The following MACF1 variants were observed in gnomAD, a reference collection of about 807,000 sequenced individuals.
The protein encoded by MACF1 is microtubule-actin cross-linking factor 1.
A neutral mutation model predicts 854.8 loss-of-function variants in MACF1; 193 were observed. The observed-to-expected ratio is 0.23, with a 90% confidence interval of 0.20 to 0.25. The LOEUF (loss-of-function observed/expected upper bound fraction) is 0.25, where lower values mean the gene tolerates loss of function less well. Among genes scored for constraint, MACF1 ranks in the 10% least tolerant of loss-of-function variants. The pLI is 1.00. For missense variants in MACF1, 7,722 were observed against 8,929.1 expected (o/e 0.86, Z 5.45); for synonymous variants, 3,185 against 3,226.7 (o/e 0.99, Z 0.44).
chr1:39,459,730 C>T, intron 91 of MACF1: 1 of 813,186 alleles, frequency 1.2e-6, no homozygotes, highest in Non-Finnish European at 1.8e-6. Flanking sequence ...GTGTCATTAC[C>T]CAGTATAAAA....
intron 50 of MACF1, 29 bp downstream of exon 50, chr1:39,368,343 T>C (rs1648914376): frequency 1.3e-6 from 2 of 1,590,672 alleles, no homozygotes; most frequent in East Asian, 2.2e-5. Flanking sequence ...TGGTCAGCAT[T>C]GGGGAACTAT....
rs147223845 is a variant in MACF1 at position 39,357,360 on chromosome 1, A to AT, written c.11425-6dup. On this transcript the variant is annotated splice_polypyrimidine_tract_variant and intron_variant, in intron 44 of 100. Coordinates refer to ENST00000564288, the MANE Select transcript of MACF1 (RefSeq NM_001394062.1). ...TACTGATTGTCCTTTGTTTGGGGGG[A>AT]TTTTTTTTTACCAGGCCCGTCACCA... is the stretch of plus-strand genomic sequence containing the variant. 0.19 allele frequency: 305,445 copies of AT among 1,589,100 alleles called. 26,845 individuals are homozygous for AT. The highest frequency in any genetic ancestry group is 0.21 in the Non-Finnish European group (243,576 of 1,164,678).
intron 22 of MACF1, among the ~76,000 whole-genome samples, chr1:39,302,409 ACTGTGCTT>A (rs1646068080): frequency 6.6e-6 from 1 of 152,218 alleles, no homozygotes; most frequent in African/African-American, 2.4e-5. Flanking sequence ...TAAAAATGGG[ACTGTGCTT>A]TTGTGTGTCT....
chr1:39,185,720 G>A (rs1644159634), intron 2 of MACF1, among the ~76,000 whole-genome samples: 1 of 152,144 alleles, frequency 6.6e-6, no homozygotes, highest in South Asian at 2.1e-4. Flanking sequence ...CTTTGGAGTA[G>A]GATAAGAAGG....
chr1:39,429,841 C>T lies in MACF1; in HGVS notation c.16903C>T (p.Leu5635Phe). The T allele has an allele frequency of 6.2e-7, 1 of 1,613,984 alleles. No homozygotes were observed. Among genetic ancestry groups the T allele is most frequent in the South Asian group, 1.1e-5 (1 of 91,078 alleles). The change falls in exon 65 of 101, where the codon CTT becomes TTT. Residue 5635 changes from leucine to phenylalanine, a missense_variant. Around this residue, in one of 15 missense-constraint regions of MACF1, gnomAD observed 2,807 missense variants for 3,235.8 expected, o/e 0.87. Coordinates refer to ENST00000564288, the MANE Select transcript of MACF1 (RefSeq NM_001394062.1). ...LKQTTGEEVL[L>F]IQEKLDGIKT... ...ATCTTCCATAGGTGAGGAGGTGTTA[C>T]TTATCCAGGAAAAACTAGATGGTAT... is the stretch of plus-strand genomic sequence containing the variant.
chr1:39,246,139 AT>A (rs1644978922), intron 2 of MACF1, among the ~76,000 whole-genome samples: 1 of 151,462 alleles, frequency 6.6e-6, no homozygotes, highest in Non-Finnish European at 1.5e-5. Context: ...TCCTTTGTTG[AT>A]TGCTTTTCCA....
chr1:39,474,225 G>GA (rs1222982028), intron 97 of MACF1, among the ~76,000 whole-genome samples: 2 of 151,508 alleles, frequency 1.3e-5, no homozygotes, highest in African/African-American at 4.9e-5. Flanking sequence ...TGTTTCTACT[G>GA]AAAATATAAA....
At chr1:39,211,134 AT>A (rs1571178267) in intron 1 of MACF1, among the ~76,000 whole-genome samples, 1 of 151,716 alleles carries the variant, frequency 6.6e-6, no homozygotes, top group East Asian at 1.9e-4. Flanking sequence ...ACCCAGTTTA[AT>A]TTTTGTATTT....
intron 2 of MACF1, among the ~76,000 whole-genome samples, chr1:39,085,950 G>A (rs941150330): frequency 2.0e-5 from 3 of 152,074 alleles, no homozygotes; most frequent in Non-Finnish European, 2.9e-5. Flanking sequence ...TTTAAGTGCC[G>A]CCTCCTCTGT....
At chr1:39,189,384 A>T (rs746026478) in intron 2 of MACF1, among the ~76,000 whole-genome samples, 4 of 152,124 alleles carry the variant, frequency 2.6e-5, no homozygotes, top group Non-Finnish European at 5.9e-5. Context: ...TGCCATTTTA[A>T]TTCTCTTACT....
Position 39,485,598 on chromosome 1 carries a change from C to T in MACF1, c.22472C>T (p.Ala7491Val). 6.2e-7 allele frequency: 1 copy of T among 1,614,116 alleles called. No individual in the cohort carries two copies. The highest frequency in any genetic ancestry group is 8.5e-7 in the Non-Finnish European group (1 of 1,179,994). ...SRAGSRAGSR[A>V]SSRRGSDASD... ...GCTGGGAGTCGAGCCGGGAGTCGAGCCAGCAGCCGGCGAGGAAGTGACGCT... is the reference window on the plus strand; with the variant it reads ...GCTGGGAGTCGAGCCGGGAGTCGAGTCAGCAGCCGGCGAGGAAGTGACGCT... The change falls in exon 101 of 101, where the codon GCC becomes GTC. Residue 7491 changes from alanine (A) to valine (V), a missense_variant. Transcript: ENST00000564288.
chr1:39,233,147 G>A (rs1163564053), intron 2 of MACF1, among the ~76,000 whole-genome samples: 2 of 151,944 alleles, frequency 1.3e-5, no homozygotes, highest in East Asian at 1.9e-4. Context: ...CAATACTCCT[G>A]CCTCAGCCTC....
rs139158506 is a variant in MACF1, at chr1:39,126,536, C to G, written c.220+42098C>G. The stretch of plus-strand genomic sequence containing the variant: ...AGCACGGTGGCTCATGCCTGTAATC[C>G]CAGCACTTTGGGAGGCCAAGGCATG... On this transcript the variant is annotated intron_variant, in intron 2 of 93. Coordinates refer to the MACF1 transcript ENST00000361689. Among the ~76,000 whole-genome samples the G allele has an allele frequency of 3.9e-4, 59 of 152,240 alleles. 1 individual carries two copies. In the East Asian group the frequency reaches 8.7e-3, roughly 22 times the overall value.
chr1:39,258,041 A>C lies in MACF1; in HGVS notation c.528+13A>C, dbSNP rs1442913373. 4.3e-6 allele frequency: 7 copies of C among 1,609,882 alleles called. No homozygotes were observed. The highest frequency in any genetic ancestry group is 6.0e-6 in the Non-Finnish European group (7 of 1,176,220). ...TTTGCATTTCCAGGTAGGGCATGTG[A>C]AGTTTGGAATTCCTGTTGCTTTGTT... is the stretch of plus-strand genomic sequence containing the variant. On this transcript the variant is annotated intron_variant, in intron 6 of 100. Coordinates refer to ENST00000564288, the MANE Select transcript of MACF1 (RefSeq NM_001394062.1).
Position 39,324,309 on chromosome 1 carries a change from A to G in MACF1, c.4353A>G (p.Glu1451=). ...QGKATSSETK[E]STDIEKAILE... ...AAGCTACCTCATCCGAGACCAAAGA[A>G]TCAACAGACATTGAAAAAGCTATTT... The change falls in exon 34 of 101, where the codon GAA becomes GAG. Residue 1451 remains glutamate, a synonymous_variant. Transcript: ENST00000564288. The G allele has an allele frequency of 6.2e-7, 1 of 1,614,008 alleles. No individual in the cohort carries two copies. Among genetic ancestry groups the G allele is most frequent in the Non-Finnish European group, 8.5e-7 (1 of 1,179,908 alleles).
intron 65 of MACF1, 56 bp downstream of exon 65, chr1:39,430,124 TTAAG>T: frequency 1.9e-6 from 3 of 1,559,610 alleles, no homozygotes; most frequent in Non-Finnish European, 2.6e-6. Context: ...GTCAGAATCC[TTAAG>T]TTTTATCAAC....
chr1:39,151,880 T>C (rs1643586629), intron 2 of MACF1, among the ~76,000 whole-genome samples: 1 of 152,150 alleles, frequency 6.6e-6, no homozygotes, highest in African/African-American at 2.4e-5. Context: ...AAACTGCTTG[T>C]TGAGTATATG....
At position 39,179,023 on chromosome 1, in the gene MACF1, C is replaced by T. The variant is rs191831306; in HGVS notation, c.221-52159C>T. 1.5e-3 allele frequency among the ~76,000 whole-genome samples: 235 copies of T among 152,246 alleles called. 2 individuals are homozygous for T. The highest frequency in any genetic ancestry group is 6.8e-3 in the Middle Eastern group (2 of 294). On this transcript the variant is annotated intron_variant, in intron 2 of 93. Transcript: ENST00000361689. ...AGTGAACTTATGGAGAATGATTAAA[C>T]AGTGATTAAGTGATATTTTAACTTC... is the stretch of plus-strand genomic sequence containing the variant.
chr1:39,342,062 C>T (rs1464047602), intron 40 of MACF1, among the ~76,000 whole-genome samples: 1 of 151,642 alleles, frequency 6.6e-6, no homozygotes, highest in African/African-American at 2.4e-5. Flanking sequence ...ACCCCCTCAC[C>T]CTCAAGTAGG....
Sources: gnomAD v4.1 joint callset for allele counts (sites outside exome capture counted in the v4.1 genomes callset) on GRCh38, gnomAD v4.1.1 for gene constraint, gnomAD v4.1.1 regional missense constraint, MANE v1.5 for transcripts, NCBI Gene and HGNC (gene_info 2026-07-23, HGNC 2026-07-21) for gene names.